Variants in TTN observed in about 807,000 individuals in gnomAD.
TTN encodes titin, also known as connectin.
In TTN, 1,525 loss-of-function variants were observed where a neutral mutation model predicts 3,223.0. That is an observed-to-expected ratio of 0.47 (90% CI 0.45 to 0.49). TTN has a LOEUF of 0.49. Among genes scored for constraint, TTN ranks in the 20% least tolerant of loss-of-function variants. TTN has a pLI of 0.00. For synonymous variants in TTN, 14,094 were observed against 15,161.0 expected (o/e 0.93, Z 5.17); for missense variants, 40,786 against 43,424.0 (o/e 0.94, Z 5.40).
intron 106 of TTN, 74 bp from the exon 107 acceptor site, chr2:178,702,737 T>G: frequency 1.4e-6 from 2 of 1,410,492 alleles, no homozygotes; most frequent in Non-Finnish European, 1.9e-6. Context: ...TTACCTCAGA[T>G]ACTTAAAATC....
In TTN at chr2:178,589,408, G is replaced by T. The variant is rs375173874; in HGVS notation, c.62317C>A (p.Leu20773Met). The T allele has an allele frequency of 4.6e-5, 74 of 1,613,396 alleles. No homozygotes were observed. In the African/African-American group the frequency reaches 9.3e-4, roughly 20 times the overall value. ...KEDLQKPVLD[L>M]KLSGVLTVKA... ...ACAGTTAGGACCCCACTTAATTTCA[G>T]ATCAAGTACTGGTTTTTGTAAGTCT... The change falls in exon 304 of 363, where the codon CTG becomes ATG. Residue 20773 changes from leucine (L) to methionine (M), a missense_variant. Transcript: ENST00000589042.
chr2:178,800,129 C>A (rs2093985100), intron 4 of TTN, among the ~76,000 whole-genome samples: 1 of 152,146 alleles, frequency 6.6e-6, no homozygotes, highest in African/African-American at 2.4e-5. Context: ...TTTAAAATTT[C>A]ATTATTTGCC....
chr2:178,717,209 T>C lies in TTN; in HGVS notation c.25525A>G (p.Asn8509Asp). 6.2e-7 allele frequency: 1 copy of C among 1,613,676 alleles called. No individual in the cohort carries two copies. Among genetic ancestry groups the C allele is most frequent in the Non-Finnish European group, 8.5e-7 (1 of 1,179,664 alleles). Residue 8509 changes from asparagine (N) to aspartate (D), a missense_variant, in exon 88 of 363, where the codon AAT (asparagine) becomes GAT (aspartate). Physicochemically the swap from Asn to Asp is conservative, Grantham distance 23. Coordinates refer to ENST00000589042, the MANE Select transcript of TTN (RefSeq NM_001267550.2). The part of the protein sequence containing the change: ...GGNYKMTLVE[N>D]TATLTVLKVG... ...TTGAGAACTGTCAGAGTGGCAGTAT[T>C]TTCTACCAAAGTCATCTTGTAGTTG...
chr2:178,573,127 T>G lies in TTN; in HGVS notation c.73005A>C (p.Thr24335=), dbSNP rs758591643. 9 of 1,613,322 alleles carry G rather than the reference T, an allele frequency of 5.6e-6. No homozygotes were observed. Among genetic ancestry groups the G allele is most frequent in the Non-Finnish European group, 5.1e-6 (6 of 1,179,544 alleles). The stretch of plus-strand genomic sequence containing the variant: ...AAGCGATTGAAATGGATGATCTGCT[T>G]GTATCCAGAACACGTGGGTTACCTG... The part of the protein sequence containing the change: ...GPPGNPRVLD[T]SRSSISIAWN... The change falls in exon 326 of 363, where the codon ACA becomes ACC. Residue 24335 remains threonine (T), a synonymous_variant. Transcript: ENST00000589042.
intron 193 of TTN, 22 bp downstream of exon 193, chr2:178,654,186 G>C (rs1338018648): frequency 4.6e-6 from 5 of 1,092,278 alleles, no homozygotes; most frequent in Non-Finnish European, 6.5e-6. Context: ...GTTATTCTTA[G>C]CAGAGGAGAG....
At chr2:178,687,209 GGA>G (rs947958150) in intron 127 of TTN, among the ~76,000 whole-genome samples, 6 of 152,194 alleles carry the variant, frequency 3.9e-5, no homozygotes, top group Admixed American at 2.6e-4. Context: ...TTCTCACTGG[GGA>G]GAGAGTTAGT....
rs1266849106 is a variant in TTN, at chr2:178,756,386, C to T, written c.11090G>A (p.Gly3697Asp). 1 of 1,613,772 alleles carries T rather than the reference C, an allele frequency of 6.2e-7. No individual in the cohort carries two copies. ...SFIDVTWTHEGAKIEESERLK... is the reference protein window; with the variant it reads ...SFIDVTWTHEDAKIEESERLK... ...TCTCTCGGATTCCTCTATCTTTGCA[C>T]CTTCGTGAGTCCAGGTTACATCAAT... The change falls in exon 46 of 363, where the codon GGT (glycine) becomes GAT (aspartate). Residue 3697 changes from glycine (G) to aspartate (D), a missense_variant. By Grantham distance (94) the Gly-to-Asp change is moderately conservative (BLOSUM62 -1). Transcript: ENST00000589042.
At chr2:178,762,945 T>C (rs1332928075) in intron 43 of TTN, among the ~76,000 whole-genome samples, 4 of 152,192 alleles carry the variant, frequency 2.6e-5, no homozygotes, top group Non-Finnish European at 5.9e-5. Flanking sequence ...TAGATCACCA[T>C]CTCCATTCCT....
Position 178,689,819 on chromosome 2 carries a change from CT to C in TTN, c.31839del (p.Ala10614LeufsTer11), listed in dbSNP as rs777357136. 1.2e-6 allele frequency: 2 copies of C among 1,608,970 alleles called. No homozygotes were observed. Among genetic ancestry groups the C allele is most frequent in the Non-Finnish European group, 1.7e-6 (2 of 1,178,588 alleles). On this transcript the variant is annotated frameshift_variant, in exon 122 of 363. Coordinates refer to ENST00000589042, the MANE Select transcript of TTN (RefSeq NM_001267550.2). LOFTEE classifies it high-confidence loss of function. Reference protein sequence around the residue: ...VPVAKKKEAPPAKVPEVQKGV... With the variant: ...VPVAKKKEAPXAKVPEVQKGV... Reference sequence around the variant, plus strand: ...ACGTCGAAAGCCACTGTACCTTTAGCTGGGGGAGCTTCCTTTTTCTTTGCAA... The same window carrying C: ...ACGTCGAAAGCCACTGTACCTTTAGCGGGGGAGCTTCCTTTTTCTTTGCAA...
At position 178,621,376 on chromosome 2, in the gene TTN, GAA is replaced by G; in HGVS notation, c.45350-10_45350-9del. ...TAAATTCAGCAGCCAGTTCTGGGAA[GAA>G]AAAGTTACAAGATATTAGAAACATA... On this transcript the variant is annotated splice_polypyrimidine_tract_variant and intron_variant, in intron 245 of 362. Transcript: ENST00000589042. The G allele has an allele frequency of 1.9e-6, 3 of 1,606,734 alleles. No homozygotes were observed. Among genetic ancestry groups the G allele is most frequent in the Non-Finnish European group, 2.5e-6 (3 of 1,177,860 alleles).
chr2:178,611,168 A>G lies in TTN; in HGVS notation c.50961T>C (p.Ser16987=), dbSNP rs532794938. The G allele has an allele frequency of 5.0e-6, 8 of 1,612,814 alleles. No individual in the cohort carries two copies. The South Asian group carries it at 5.5e-5, about 11-fold the overall frequency. The change falls in exon 270 of 363, where the codon AGT becomes AGC. Residue 16987 remains serine (S), a synonymous_variant. Transcript: ENST00000589042. The stretch of plus-strand genomic sequence containing the variant: ...TAACTTCTTTGCCATCTTTATGCCA[A>G]CTAACAGTTGGAACTGGGACAGCTC... ...PFRAVPVPTV[S]WHKDGKEVKA...
rs201298767 is a variant in TTN, at chr2:178,527,455, C to T, written c.107671G>A (p.Gly35891Ser). The change falls in exon 362 of 363, where the codon GGC becomes AGC. Residue 35891 changes from glycine to serine, a missense_variant. By Grantham distance (56) the Gly-to-Ser change is moderately conservative. Coordinates refer to ENST00000589042, the MANE Select transcript of TTN (RefSeq NM_001267550.2). Reference sequence around the variant, plus strand: ...TAATTTTATTGCTCACCTCTTATGCCTGCTTTAAGCATTTTACTAGTTGAG... The same window carrying T: ...TAATTTTATTGCTCACCTCTTATGCTTGCTTTAAGCATTTTACTAGTTGAG... ...ESSTSKMLKA[G>S]IRGIPPKIEA... is the part of the protein sequence containing the mutation. The T allele has an allele frequency of 4.0e-5, 65 of 1,612,894 alleles. No homozygotes were observed. The African/African-American group carries it at 7.7e-4, about 19-fold the overall frequency.
At position 178,764,181 on chromosome 2, in the gene TTN, T is replaced by C. The variant is rs990895374; in HGVS notation, c.10110A>G (p.Gly3370=). The C allele has an allele frequency of 3.7e-6, 6 of 1,614,008 alleles. No homozygotes were observed. In the African/African-American group the frequency reaches 6.7e-5, roughly 18 times the overall value. ...ACCTTTTGTTCTTAAACCTACCTGT[T>C]CCAGAAACCCGGCATTGAAAACGGG... The part of the protein sequence containing the change: ...QPARFQCRVS[G]TDLKVSWYSK... The change falls in exon 43 of 363, where the codon GGA becomes GGG. Residue 3370 remains glycine (G), a synonymous_variant. Coordinates refer to ENST00000589042, the MANE Select transcript of TTN (RefSeq NM_001267550.2).
rs1424714918 is a variant in TTN at position 178,547,864 on chromosome 2, C to T, written c.93762G>A (p.Met31254Ile). ...TCACTCGATCTGTCTCTTTAAGTCT[C>T]ATTTCTTCCAGTTTCCATGTTACTT... ...APKVTWKLEE[M>I]RLKETDRVSI... The change falls in exon 339 of 363, where the codon ATG becomes ATA. Residue 31254 changes from methionine to isoleucine, a missense_variant. By Grantham distance (10) the Met-to-Ile change is conservative (BLOSUM62 1). Transcript: ENST00000589042. The T allele has an allele frequency of 6.2e-7, 1 of 1,613,780 alleles. No individual in the cohort carries two copies. The highest frequency in any genetic ancestry group is 8.5e-7 in the Non-Finnish European group (1 of 1,179,848).
Position 178,575,893 on chromosome 2 carries a change from A to G in TTN, c.70239T>C (p.Phe23413=). Residue 23413 remains phenylalanine, a synonymous_variant, in exon 326 of 363, where the codon TTT becomes TTC. Coordinates refer to ENST00000589042, the MANE Select transcript of TTN (RefSeq NM_001267550.2). The surrounding 1 kb of genome is among the most constrained non-coding windows in gnomAD (Gnocchi z 4.0). The stretch of plus-strand genomic sequence containing the variant: ...CAGCCGGGTTTTCAATGGTCATGAC[A>G]AATTTACCGGTATCATATCTGTTAC... The part of the protein sequence containing the change: ...PECNRYDTGK[F]VMTIENPAGK... The G allele has an allele frequency of 6.2e-7, 1 of 1,613,590 alleles. No individual in the cohort carries two copies. Among genetic ancestry groups the G allele is most frequent in the Non-Finnish European group, 8.5e-7 (1 of 1,179,602 alleles).
rs1347090797 is a variant in TTN at position 178,598,526 on chromosome 2, C to T, written c.57091G>A (p.Gly19031Arg). ...CCTACCTTTTCCCATTCTTCTTTTC[C>T]TTCTTCTTTATATTCAACGATGTAT... ...TGYIVEYKEE[G>R]KEEWEKGKDK... The change falls in exon 292 of 363, where the codon GGA becomes AGA. Residue 19031 changes from glycine to arginine, a missense_variant. Coordinates refer to ENST00000589042, the MANE Select transcript of TTN (RefSeq NM_001267550.2). The T allele has an allele frequency of 6.2e-7, 1 of 1,607,094 alleles. No homozygotes were observed. The highest frequency in any genetic ancestry group is 8.5e-7 in the Non-Finnish European group (1 of 1,178,058).
chr2:178,784,316 T>C lies in TTN; in HGVS notation c.2529A>G (p.Gln843=), dbSNP rs2093011800. The part of the protein sequence containing the change: ...SIAGSAIATL[Q]KELSATSSAQ... ...CAGAAGATGTGGCTGACAACTCTTT[T>C]TGTAATGTGGCAATAGCACTACCGG... Residue 843 remains glutamine (Q), a synonymous_variant, in exon 16 of 363, where the codon CAA becomes CAG. Transcript: ENST00000589042. 3 of 1,614,144 alleles carry C rather than the reference T, an allele frequency of 1.9e-6. No homozygotes were observed. The highest frequency in any genetic ancestry group is 2.5e-6 in the Non-Finnish European group (3 of 1,180,008).
chr2:178,713,424 C>CAA, intron 92 of TTN, 52 bp from the exon 93 acceptor site: 15 of 1,394,326 alleles, frequency 1.1e-5, no homozygotes, highest in East Asian at 3.4e-5. Context: ...AAACAAAGGA[C>CAA]AACAATTATA....
chr2:178,594,605 T>A lies in TTN; in HGVS notation c.57889A>T (p.Thr19297Ser). Residue 19297 changes from threonine (T) to serine (S), a missense_variant, in exon 296 of 363, where the codon ACT becomes TCT. By Grantham distance (58) the Thr-to-Ser change is moderately conservative (BLOSUM62 1). Transcript: ENST00000589042. The part of the protein sequence containing the change: ...RPEDLEVKEV[T>S]KNTVTLTWNP... ...CAAGTCAAAGTTACAGTATTTTTAG[T>A]AACTTCTTTGACTTCCAGGTCTTCA... 6.2e-7 allele frequency: 1 copy of A among 1,612,210 alleles called. No individual in the cohort carries two copies. Among genetic ancestry groups the A allele is most frequent in the Non-Finnish European group, 8.5e-7 (1 of 1,178,826 alleles).
Sources: gnomAD v4.1 joint callset for allele counts (sites outside exome capture counted in the v4.1 genomes callset) on GRCh38, gnomAD v4.1.1 for gene constraint, Gnocchi (gnomAD v3.1) non-coding constraint, MANE v1.5 for transcripts, NCBI Gene and HGNC (gene_info 2026-07-23, HGNC 2026-07-21) for gene names.